Variants in TENM3 observed in about 807,000 individuals in gnomAD.
TENM3 encodes teneurin-3.
In TENM3, 63 loss-of-function variants were observed where a neutral mutation model predicts 255.1. The ratio of observed to expected loss-of-function variants is 0.25; its 90% CI spans 0.20 to 0.30. TENM3 has a LOEUF of 0.30. Ranked by LOEUF, TENM3 falls within the 10% of genes least tolerant of loss-of-function variation. TENM3 has a pLI of 1.00. For synonymous variants in TENM3, 1,306 were observed against 1,322.3 expected, an observed-to-expected ratio of 0.99 and a Z score of 0.27; for missense variants, 2,929 against 3,461.1, an observed-to-expected ratio of 0.85 and a Z score of 3.86.
At chr4:181,540,280 C>T in the TENM3 span, among the ~76,000 whole-genome samples, 52 of 152,016 alleles carry the variant, frequency 3.4e-4, no homozygotes, top group African/African-American at 4.8e-4. Context: ...ACAAAAATAA[C>T]GGGCCACAAG....
the TENM3 span, among the ~76,000 whole-genome samples, chr4:182,133,169 G>A: frequency 2.0e-5 from 3 of 152,152 alleles, no homozygotes; most frequent in Non-Finnish European, 4.4e-5. Flanking sequence ...ACAGGGTCAC[G>A]TCCTTAAGTG....
the TENM3 span, among the ~76,000 whole-genome samples, chr4:181,549,797 A>C: frequency 6.6e-6 from 1 of 152,126 alleles, no homozygotes; most frequent in Admixed American, 6.6e-5. Context: ...TGCATATTTA[A>C]TAGTAATCTT....
chr4:182,537,203 T>C (rs766837491), intron 3 of TENM3, among the ~76,000 whole-genome samples: 4 of 152,240 alleles, frequency 2.6e-5, no homozygotes, highest in Non-Finnish European at 4.4e-5. Flanking sequence ...CATTCTCTCG[T>C]CATCCTGTGG....
At chr4:182,592,978 G>C (rs1411659567) in intron 3 of TENM3, among the ~76,000 whole-genome samples, 1 of 152,154 alleles carries the variant, frequency 6.6e-6, no homozygotes, top group Admixed American at 6.6e-5. Flanking sequence ...AATTGAAAAG[G>C]AACTGACAGA....
intron 3 of TENM3, among the ~76,000 whole-genome samples, chr4:182,599,485 T>G (rs1747622423): frequency 6.6e-6 from 1 of 152,190 alleles, no homozygotes; most frequent in African/African-American, 2.4e-5. Flanking sequence ...CTATCCCTCA[T>G]TACAAGAGTG....
intron 12 of TENM3, among the ~76,000 whole-genome samples, chr4:182,693,481 C>G (rs530176155): frequency 6.6e-6 from 1 of 151,954 alleles, no homozygotes; most frequent in Non-Finnish European, 1.5e-5. Flanking sequence ...GGGTTACAGG[C>G]GCCCACCACC....
chr4:182,606,509 G>C (rs973697789), intron 4 of TENM3, among the ~76,000 whole-genome samples: 16 of 135,426 alleles, frequency 1.2e-4, no homozygotes, highest in African/African-American at 3.3e-4. Flanking sequence ...GGGCGACAGA[G>C]GGAGACTCTG....
At chr4:182,318,150 T>C (rs1762851497) in intron 1 of TENM3, among the ~76,000 whole-genome samples, 1 of 152,208 alleles carries the variant, frequency 6.6e-6, no homozygotes, top group African/African-American at 2.4e-5. Context: ...CAAGGCTTTG[T>C]AATTTGTACA....
intron 3 of TENM3, among the ~76,000 whole-genome samples, chr4:182,581,931 A>G (rs1032190189): frequency 6.6e-6 from 1 of 152,092 alleles, no homozygotes; most frequent in African/African-American, 2.4e-5. Flanking sequence ...GTTTCTTAGC[A>G]TAAGAGGGAG....
chr4:182,502,860 G>A (rs1483461175), intron 3 of TENM3, among the ~76,000 whole-genome samples: 1 of 148,602 alleles, frequency 6.7e-6, no homozygotes, highest in East Asian at 2.0e-4. Flanking sequence ...GGCATGGGTT[G>A]GAGCTTTTAA....
the TENM3 span, among the ~76,000 whole-genome samples, chr4:182,033,917 G>T: frequency 6.6e-6 from 1 of 151,998 alleles, no homozygotes; most frequent in Non-Finnish European, 1.5e-5. Context: ...TTTCTTTTAA[G>T]CCTATATGTG....
the TENM3 span, among the ~76,000 whole-genome samples, chr4:181,546,228 T>C: frequency 6.6e-6 from 1 of 152,198 alleles, no homozygotes; most frequent in African/African-American, 2.4e-5. Flanking sequence ...TCGTATAGCT[T>C]CATTTAGCTG....
intron 1 of TENM3, among the ~76,000 whole-genome samples, chr4:182,180,668 G>T (rs532801336): frequency 8.7e-5 from 13 of 149,336 alleles, no homozygotes; most frequent in Non-Finnish European, 1.8e-4. Flanking sequence ...TAGAGACAGG[G>T]TCTCACTATG....
the TENM3 span, among the ~76,000 whole-genome samples, chr4:181,888,591 C>CGTGTGTGTGTGT: frequency 0.057 from 5,134 of 89,850 alleles, 246 homozygotes; most frequent in African/African-American, 0.086. Context: ...TATATATATG[C>CGTGTGTGTGTGT]GTGTGTGTGT....
the TENM3 span, among the ~76,000 whole-genome samples, chr4:181,562,296 A>G: frequency 6.6e-6 from 1 of 152,114 alleles, no homozygotes; most frequent in Non-Finnish European, 1.5e-5. Context: ...TTTCATATAC[A>G]TACAGATAGA....
In TENM3 at chr4:182,736,853, T is replaced by A; in HGVS notation, c.3013T>A (p.Ser1005Thr). Reference protein sequence around the residue: ...TTIPGTDLKLSYLSSRAAGYK... With the variant: ...TTIPGTDLKLTYLSSRAAGYK... ...AATTCCAGGAACAGATTTGAAACTC[T>A]CCTACTTGAGTTCCAGAGCTGCAGG... Residue 1005 changes from serine (S) to threonine (T), a missense_variant, in exon 17 of 28, where the codon TCC (serine) becomes ACC (threonine). Ser to Thr is a moderately conservative substitution (Grantham distance 58). Around this residue, in one of 6 missense-constraint regions of TENM3, gnomAD observed 1,608 missense variants for 1,884.4 expected, o/e 0.85. Transcript: ENST00000511685. 6.2e-7 allele frequency: 1 copy of A among 1,613,740 alleles called. No individual in the cohort carries two copies. The highest frequency in any genetic ancestry group is 1.1e-5 in the South Asian group (1 of 91,074).
rs940902021 is a variant in TENM3, at chr4:182,754,722, A to G, written c.4355A>G (p.Asn1452Ser). The change falls in exon 22 of 28, where the codon AAT becomes AGT. Residue 1452 changes from asparagine to serine, a missense_variant. Physicochemically the swap from Asn to Ser is conservative, Grantham distance 46. Transcript: ENST00000511685. The surrounding 1 kb of genome is among the most constrained non-coding windows in gnomAD (Gnocchi z 5.1). ...ATACCTTCAGAGTGTGACTGCAAAAATGATGCCAACTGTGACTGTTACCAG... is the reference window on the plus strand; with the variant it reads ...ATACCTTCAGAGTGTGACTGCAAAAGTGATGCCAACTGTGACTGTTACCAG... ...AGIPSECDCK[N>S]DANCDCYQSG... The G allele has an allele frequency of 1.2e-6, 2 of 1,613,950 alleles. No homozygotes were observed. Among genetic ancestry groups the G allele is most frequent in the African/African-American group, 1.3e-5 (1 of 74,948 alleles).
the TENM3 span, among the ~76,000 whole-genome samples, chr4:181,510,502 C>A: frequency 1.3e-5 from 2 of 152,052 alleles, no homozygotes; most frequent in East Asian, 3.9e-4. Flanking sequence ...CGAAACAAAA[C>A]AAATTAAACC....
chr4:182,708,415 A>G (rs1296556979), intron 12 of TENM3, among the ~76,000 whole-genome samples: 1 of 152,114 alleles, frequency 6.6e-6, no homozygotes, highest in Non-Finnish European at 1.5e-5. Flanking sequence ...GGGCTCATGG[A>G]AGAGCTAAAA....
Sources: allele counts gnomAD v4.1 joint callset (sites outside exome capture counted in the v4.1 genomes callset), GRCh38; gene constraint gnomAD v4.1.1; regional missense constraint gnomAD v4.1.1; non-coding constraint Gnocchi (gnomAD v3.1); transcripts MANE v1.5; gene names NCBI Gene and HGNC (gene_info 2026-07-23, HGNC 2026-07-21).